The following DHRSX variants were observed in gnomAD, a reference collection of about 807,000 sequenced individuals.
DHRSX encodes the protein dehydrogenase/reductase X-linked, also known as polyprenol dehydrogenase.
Under a neutral mutation model 34.0 loss-of-function variants are expected in DHRSX, and 31 were observed. The observed-to-expected ratio is 0.91, with a 90% CI of 0.69 to 1.23. The LOEUF (loss-of-function observed/expected upper bound fraction) is 1.23. DHRSX is among the 50% of genes most tolerant of loss of function. DHRSX has a pLI of 0.00. For missense variants in DHRSX, 414 were observed against 428.1 expected (o/e 0.97, Z 0.29); for synonymous variants, 201 against 183.8 (o/e 1.09, Z -0.76).
At chrX:2,368,657 C>T (rs2043022203) in intron 3 of DHRSX, among the ~76,000 whole-genome samples, 1 of 152,128 alleles carries the variant, frequency 6.6e-6, no homozygotes, top group Middle Eastern at 3.2e-3. Flanking sequence ...CAAGACCAGC[C>T]TGGCCAACAT....
chrX:2,375,332 C>G lies in DHRSX; in HGVS notation c.286+33413G>C, dbSNP rs773267295. On this transcript the variant is annotated intron_variant, in intron 3 of 6. Transcript: ENST00000334651. ...ATAAGTGAAAGTATGGTATGCACAC[C>G]GCGGCTGTGAAATGCGGTTCGTTCT... 1.5e-4 allele frequency among the ~76,000 whole-genome samples: 20 copies of G among 137,844 alleles called. 4 individuals are homozygous for G. Among genetic ancestry groups the G allele is most frequent in the Admixed American group, 3.6e-4 (5 of 13,890 alleles). The allele number at this position is 137,844 out of a possible 152,430, so 90.4% of individuals were successfully genotyped here.
chrX:2,442,798 G>A (rs773270847), intron 1 of DHRSX, among the ~76,000 whole-genome samples: 3 of 152,232 alleles, frequency 2.0e-5, no homozygotes, highest in African/African-American at 4.8e-5. Context: ...TTCCCTTTCC[G>A]AAGACATTTG....
chrX:2,401,918 C>T (rs753057740), intron 3 of DHRSX, among the ~76,000 whole-genome samples: 3 of 152,302 alleles, frequency 2.0e-5, no homozygotes, highest in Admixed American at 1.3e-4. Context: ...TTTATAATTC[C>T]GAGAGCTCAA....
chrX:2,346,366 G>C (rs2042711896), intron 3 of DHRSX, among the ~76,000 whole-genome samples: 1 of 152,044 alleles, frequency 6.6e-6, no homozygotes, highest in Non-Finnish European at 1.5e-5. Flanking sequence ...GCCGAGTGTG[G>C]TTTTTCTCGT....
In DHRSX at chrX:2,221,246, A is replaced by G. The variant is rs1569475487; in HGVS notation, c.805-17T>C. ...ATCGGGGGTCTGGTGGAAGAAGAAA[A>G]GAAGGCTACGATGAGTCAAATTTCT... is the stretch of plus-strand genomic sequence containing the variant. On this transcript the variant is annotated splice_polypyrimidine_tract_variant and intron_variant, in intron 6 of 6. Coordinates refer to ENST00000334651, the MANE Select transcript of DHRSX (RefSeq NM_145177.3). The G allele has an allele frequency of 1.2e-5, 19 of 1,610,454 alleles. No homozygotes were observed. The highest frequency in any genetic ancestry group is 1.6e-5 in the Non-Finnish European group (19 of 1,178,198).
At position 2,459,307 on chromosome X, in the gene DHRSX, G is replaced by C. The variant is rs768503196; in HGVS notation, c.110-34003C>G. Among the ~76,000 whole-genome samples, 214 of 151,844 alleles carry C rather than the reference G, an allele frequency of 1.4e-3. 2 individuals are homozygous for C. The highest frequency in any genetic ancestry group is 4.8e-3 in the African/African-American group (198 of 41,482). On this transcript the variant is annotated intron_variant, in intron 1 of 6. Coordinates refer to ENST00000334651, the MANE Select transcript of DHRSX (RefSeq NM_145177.3). ...CATCACCAAAAAAACGAAGTGAGGT[G>C]ATATAGGTTAGAGTTAGGGTTATCT... is the stretch of plus-strand genomic sequence containing the variant.
In DHRSX at chrX:2,243,788, G is replaced by GTTTTTTTTTTT. The variant is rs778957532; in HGVS notation, c.597-569_597-559dup. ...ACAGGCAGGAGCCACTATGCTCCCTGTTTTTTTTTTTTTTTTTTTTTTTTT... is the reference window on the plus strand; with the variant it reads ...ACAGGCAGGAGCCACTATGCTCCCTGTTTTTTTTTTTTTTTTTTTTTTTTTTTTTTTTTTTT... On this transcript the variant is annotated intron_variant, in intron 5 of 6. Coordinates refer to ENST00000334651, the MANE Select transcript of DHRSX (RefSeq NM_145177.3). Among the ~76,000 whole-genome samples, 75 of 25,092 alleles carry GTTTTTTTTTTT rather than the reference G, an allele frequency of 3.0e-3. 1 individual carries two copies. The highest frequency in any genetic ancestry group is 3.9e-3 in the Non-Finnish European group (37 of 9,370). 16.5% of individuals were successfully genotyped at this position (25,092 alleles called of 152,430 possible).
chrX:2,231,268 C>A (rs192860676), intron 6 of DHRSX, among the ~76,000 whole-genome samples: 61 of 152,220 alleles, frequency 4.0e-4, no homozygotes, highest in African/African-American at 1.4e-3. Flanking sequence ...GATGGCATCT[C>A]CTTGGACAAA....
chrX:2,473,597 TGGGTGACA>T (rs1240344685), intron 1 of DHRSX, among the ~76,000 whole-genome samples: 4 of 142,434 alleles, frequency 2.8e-5, no homozygotes, highest in African/African-American at 1.1e-4. Flanking sequence ...CACTCCAGCC[TGGGTGACA>T]GGGTGACAGA....
chrX:2,481,647 C>G (rs950685224), intron 1 of DHRSX, among the ~76,000 whole-genome samples: 1 of 151,556 alleles, frequency 6.6e-6, no homozygotes, highest in Non-Finnish European at 1.5e-5. Flanking sequence ...GCCTGGGCAA[C>G]AAGAGTGAAA....
At chrX:2,406,774 G>A (rs1165639986) in intron 3 of DHRSX, among the ~76,000 whole-genome samples, 1 of 152,140 alleles carries the variant, frequency 6.6e-6, no homozygotes, top group African/African-American at 2.4e-5. Context: ...TACAAGTGTT[G>A]GGGAGGGTGT....
rs774278281 is a variant in DHRSX at position 2,353,584 on chromosome X, AT to A, written c.286+55160del. 2.4e-3 allele frequency among the ~76,000 whole-genome samples: 321 copies of A among 136,064 alleles called. 1 individual carries two copies. The highest frequency in any genetic ancestry group is 4.1e-3 in the African/African-American group (148 of 36,362). 89.3% of individuals were successfully genotyped at this position (136,064 alleles called of 152,430 possible). ...TTAGGGAAGGATTATAGCTGATTGC[AT>A]TTTTTTTTTTTTTTTGAGATGGAGT... On this transcript the variant is annotated intron_variant, in intron 3 of 6. Coordinates refer to ENST00000334651, the MANE Select transcript of DHRSX (RefSeq NM_145177.3).
rs2041478570 is a variant in DHRSX at position 2,266,667 on chromosome X, CACAG to C, written c.596+69_596+72del. On this transcript the variant is annotated intron_variant, in intron 5 of 6. Transcript: ENST00000334651. ...AGCAGATGCAGGGAGCGCCACACCG[CACAG>C]ACAGAGGGAGATGAATAACCTTTAA... is the stretch of plus-strand genomic sequence containing the variant. 12 of 1,458,324 alleles carry C rather than the reference CACAG, an allele frequency of 8.2e-6. No individual in the cohort carries two copies. The Admixed American group carries it at 1.2e-4, about 14-fold the overall frequency. 90.3% of individuals were successfully genotyped at this position (1,458,324 alleles called of 1,614,324 possible). A position where few individuals can be genotyped will look rare whatever the true frequency, so the allele number is the denominator to read the frequency against.
intron 1 of DHRSX, among the ~76,000 whole-genome samples, chrX:2,444,656 C>T (rs1166817285): frequency 2.6e-5 from 4 of 151,960 alleles, no homozygotes; most frequent in Admixed American, 6.6e-5. Flanking sequence ...CATAGTGAGA[C>T]GCCATCTCTA....
chrX:2,442,385 A>T (rs1176637444), intron 1 of DHRSX, among the ~76,000 whole-genome samples: 2 of 151,630 alleles, frequency 1.3e-5, no homozygotes, highest in Non-Finnish European at 2.9e-5. Context: ...TGTTGTTCAA[A>T]GGTCAACTGT....
intron 3 of DHRSX, among the ~76,000 whole-genome samples, chrX:2,298,600 GTACACACACACACACA>G: frequency 2.2e-5 from 1 of 45,332 alleles, no homozygotes; most frequent in South Asian, 7.1e-4. Context: ...AGGCGCGTGT[GTACACACACACACACA>G]CACACACACA....
At chrX:2,329,527 T>G (rs1776223444) in intron 3 of DHRSX, among the ~76,000 whole-genome samples, 1 of 152,102 alleles carries the variant, frequency 6.6e-6, no homozygotes, top group South Asian at 2.1e-4. Context: ...GATGGACAGG[T>G]GGGTACATCT....
intron 6 of DHRSX, among the ~76,000 whole-genome samples, chrX:2,221,737 A>T (rs965196326): frequency 3.9e-5 from 6 of 152,222 alleles, no homozygotes; most frequent in Non-Finnish European, 1.5e-5. Flanking sequence ...AGACGTTTCA[A>T]AAAGGAACTT....
chrX:2,329,651 G>A (rs2042432619), intron 3 of DHRSX, among the ~76,000 whole-genome samples: 1 of 152,094 alleles, frequency 6.6e-6, no homozygotes, highest in African/African-American at 2.4e-5. Context: ...GTGAACCTAT[G>A]AAAAGAGGAA....
Sources: gnomAD v4.1 joint callset for allele counts (sites outside exome capture counted in the v4.1 genomes callset) on GRCh38, gnomAD v4.1.1 for gene constraint, MANE v1.5 for transcripts, NCBI Gene and HGNC (gene_info 2026-07-23, HGNC 2026-07-21) for gene names.